The following PHLPP2 variants were observed in gnomAD, a reference collection of about 807,000 sequenced individuals.
PHLPP2 encodes the protein PH domain and leucine rich repeat protein phosphatase 2.
Under a neutral mutation model 124.9 loss-of-function variants are expected in PHLPP2, and 66 were observed. That is an observed-to-expected ratio of 0.53 (90% CI 0.43 to 0.65). PHLPP2 has a LOEUF of 0.65. PHLPP2 is among the 30% of genes least tolerant of loss of function. The probability of loss-of-function intolerance (pLI) is 0.00; values close to 1 mark genes in which losing one functional copy is unlikely to be tolerated. For missense variants in PHLPP2, 1,685 were observed against 1,600.4 expected (o/e 1.05, Z -0.90); for synonymous variants, 681 against 624.7 (o/e 1.09, Z -1.34).
At chr16:71,668,371 G>A (rs563339343) in intron 11 of PHLPP2, among the ~76,000 whole-genome samples, 227 of 135,104 alleles carry the variant, frequency 1.7e-3, no homozygotes, top group Admixed American at 3.0e-3. Flanking sequence ...AGCCGAGATC[G>A]CGCCACTGCA....
At chr16:71,694,721 T>TA (rs562202047) in intron 3 of PHLPP2, among the ~76,000 whole-genome samples, 275 of 152,042 alleles carry the variant, frequency 1.8e-3, no homozygotes, top group African/African-American at 6.1e-3. Flanking sequence ...AAATATGAAA[T>TA]AATTCTCAAT....
At chr16:71,653,978 G>A (rs191288643) in intron 17 of PHLPP2, among the ~76,000 whole-genome samples, 15 of 152,082 alleles carry the variant, frequency 9.9e-5, no homozygotes, top group Admixed American at 5.2e-4. Context: ...GGCAGATCAC[G>A]AGGTCAGGAG....
Position 71,690,513 on chromosome 16 carries a change from T to G in PHLPP2, c.609+6A>C. On this transcript the variant is annotated splice_donor_region_variant and intron_variant, in intron 4 of 18. Coordinates refer to ENST00000568954, the MANE Select transcript of PHLPP2 (RefSeq NM_015020.3). ...ATGAAAAATAATTCATCTTTGTGAG[T>G]CTTACCTTTCCACCAACCAGAGGCA... 6.3e-7 allele frequency: 1 copy of G among 1,580,294 alleles called. No homozygotes were observed. Among genetic ancestry groups the G allele is most frequent in the Non-Finnish European group, 8.7e-7 (1 of 1,155,262 alleles).
chr16:71,708,638 T>C (rs1037586455), intron 2 of PHLPP2, among the ~76,000 whole-genome samples: 1 of 152,092 alleles, frequency 6.6e-6, no homozygotes, highest in African/African-American at 2.4e-5. Flanking sequence ...ATACAAAAAT[T>C]AGCTGCGCCT....
chr16:71,656,802 G>A (rs1031748970), intron 15 of PHLPP2, 121 bp from the exon 16 acceptor site: 6 of 586,034 alleles, frequency 1.0e-5, no homozygotes, highest in Non-Finnish European at 1.8e-5. Flanking sequence ...CCAGGCTGGA[G>A]TGCAGTGGTG....
intron 10 of PHLPP2, among the ~76,000 whole-genome samples, chr16:71,671,945 A>G (rs2044897415): frequency 6.6e-6 from 1 of 152,172 alleles, no homozygotes; most frequent in South Asian, 2.1e-4. Flanking sequence ...CTATCTAAAA[A>G]TCAAGAATTA....
At chr16:71,718,030 T>C (rs1374322529) in intron 1 of PHLPP2, among the ~76,000 whole-genome samples, 1 of 152,140 alleles carries the variant, frequency 6.6e-6, no homozygotes, top group Non-Finnish European at 1.5e-5. Context: ...TAGCTGGGAC[T>C]ACATGCACAT....
At position 71,648,733 on chromosome 16, in the gene PHLPP2, T is replaced by C; in HGVS notation, c.*157A>G. On this transcript the variant is annotated 3_prime_UTR_variant, in exon 19 of 19. Coordinates refer to ENST00000568954, the MANE Select transcript of PHLPP2 (RefSeq NM_015020.3). ...CTGCAGTGACCCGAGACCCCACCAT[T>C]GCACTCCAGCCTGAGCGACTGAGCA... 1.6e-6 allele frequency: 1 copy of C among 621,750 alleles called. No homozygotes were observed. Among genetic ancestry groups the C allele is most frequent in the Non-Finnish European group, 2.8e-6 (1 of 355,932 alleles). The allele number at this position is 621,750 out of a possible 1,614,324, so 38.5% of individuals were successfully genotyped here.
At position 71,648,190 on chromosome 16, in the gene PHLPP2, C is replaced by T. The variant is rs1292082492; in HGVS notation, c.*700G>A. The T allele has an allele frequency of 6.5e-6, 1 of 152,686 alleles. No homozygotes were observed. The highest frequency in any genetic ancestry group is 1.5e-5 in the Non-Finnish European group (1 of 68,082). 9.5% of individuals were successfully genotyped at this position (152,686 alleles called of 1,614,324 possible). A position where few individuals can be genotyped will look rare whatever the true frequency, so the allele number is the denominator to read the frequency against. On this transcript the variant is annotated 3_prime_UTR_variant, in exon 19 of 19. Transcript: ENST00000568954. ...CTCTGTCACAGAGATCCATCAGCAG[C>T]AACTAGTAAAGAGAATCAATCTTCA...
intron 9 of PHLPP2, among the ~76,000 whole-genome samples, chr16:71,675,175 C>G (rs1449801812): frequency 6.6e-6 from 1 of 152,214 alleles, no homozygotes; most frequent in Non-Finnish European, 1.5e-5. Flanking sequence ...TACCAGTCAC[C>G]TCTCACTGGC....
At chr16:71,723,530 G>T in intron 1 of PHLPP2, 1 of 175,792 alleles carries the variant, frequency 5.7e-6, no homozygotes, top group South Asian at 2.0e-4. Context: ...GCGCGGCCAG[G>T]GATGGGCAGC....
At chr16:71,676,378 G>A (rs927363673) in intron 9 of PHLPP2, 69 bp downstream of exon 9, 15 of 1,224,184 alleles carry the variant, frequency 1.2e-5, no homozygotes, top group Non-Finnish European at 1.5e-5. Context: ...CACCACAGGT[G>A]CCACTGTTCT....
Position 71,684,586 on chromosome 16 carries a change from G to GCTT in PHLPP2, c.622_624dup (p.Lys208dup). The stretch of plus-strand genomic sequence containing the variant: ...CTGAAAGCAAGGGAGTATTGCCGTC[G>GCTT]CTTCACTTCTTCTATCTGAAGAAGA... On this transcript the variant is annotated inframe_insertion, in exon 5 of 19. Coordinates refer to ENST00000568954, the MANE Select transcript of PHLPP2 (RefSeq NM_015020.3). 1 of 1,612,356 alleles carries GCTT rather than the reference G, an allele frequency of 6.2e-7. No homozygotes were observed. Among genetic ancestry groups the GCTT allele is most frequent in the South Asian group, 1.1e-5 (1 of 90,968 alleles).
Position 71,714,620 on chromosome 16 carries a change from G to A in PHLPP2, c.176C>T (p.Ser59Phe). The A allele has an allele frequency of 6.2e-7, 1 of 1,614,024 alleles. No homozygotes were observed. Among genetic ancestry groups the A allele is most frequent in the Non-Finnish European group, 8.5e-7 (1 of 1,179,900 alleles). The change falls in exon 2 of 19, where the codon TCC becomes TTC. Residue 59 changes from serine (S) to phenylalanine (F), a missense_variant. Transcript: ENST00000568954. ...GCAAAGGACGAGATGTAAGTCAGAG[G>A]AAGAGGAGGAGGAGGAAGAGGAAGA... The part of the protein sequence containing the change: ...TSSSSSSSSS[S>F]SDLHLVLCTV...
intron 1 of PHLPP2, chr16:71,723,777 C>T: frequency 7.5e-7 from 1 of 1,334,912 alleles, no homozygotes; most frequent in Non-Finnish European, 9.7e-7. Flanking sequence ...ACCTTCAGGA[C>T]CCGGATCCCT....
Position 71,672,180 on chromosome 16 carries a change from T to C in PHLPP2, c.1532+82A>G, listed in dbSNP as rs1596997634. 4.3e-6 allele frequency: 4 copies of C among 929,426 alleles called. 1 individual carries two copies. Among genetic ancestry groups the C allele is most frequent in the Middle Eastern group, 4.2e-4 (2 of 4,732 alleles). The allele number at this position is 929,426 out of a possible 1,614,324, so 57.6% of individuals were successfully genotyped here. A position where few individuals can be genotyped will look rare whatever the true frequency, so the allele number is the denominator to read the frequency against. ...AAGTATTTCAAAATACTTAGATTTC[T>C]TGTACATCAAAACTGCCAAAAAATC... is the stretch of plus-strand genomic sequence containing the variant. On this transcript the variant is annotated intron_variant, in intron 10 of 18. Coordinates refer to ENST00000568954, the MANE Select transcript of PHLPP2 (RefSeq NM_015020.3).
intron 15 of PHLPP2, 38 bp from the exon 16 acceptor site, chr16:71,656,719 C>A: frequency 8.4e-7 from 1 of 1,186,846 alleles, no homozygotes; most frequent in Non-Finnish European, 1.2e-6. Context: ...ATATATTCTT[C>A]TGTATTTTAC....
chr16:71,685,446 G>A (rs776753218), intron 4 of PHLPP2, among the ~76,000 whole-genome samples: 1 of 152,152 alleles, frequency 6.6e-6, no homozygotes, highest in Non-Finnish European at 1.5e-5. Flanking sequence ...ATCTCACTTT[G>A]TTACGTCACA....
intron 3 of PHLPP2, among the ~76,000 whole-genome samples, chr16:71,699,349 T>C (rs1194564510): frequency 1.3e-5 from 2 of 152,114 alleles, no homozygotes; most frequent in African/African-American, 4.8e-5. Context: ...TTTCCAAAAC[T>C]ACCTACAGCA....
Sources: gnomAD v4.1 joint callset for allele counts (sites outside exome capture counted in the v4.1 genomes callset) on GRCh38, gnomAD v4.1.1 for gene constraint, MANE v1.5 for transcripts, NCBI Gene and HGNC (gene_info 2026-07-23, HGNC 2026-07-21) for gene names.